The following UNC5B variants were observed in gnomAD, a reference collection of about 807,000 sequenced individuals.
UNC5B encodes the protein unc-5 netrin receptor B, also known as netrin receptor UNC5B.
UNC5B carries 56 observed loss-of-function variants against 103.7 expected under a neutral mutation model. The observed-to-expected ratio is 0.54, with a 90% CI of 0.44 to 0.67. The LOEUF is 0.67. Ranked by LOEUF, UNC5B falls within the 30% of genes least tolerant of loss-of-function variation. The pLI, the probability that UNC5B is intolerant of heterozygous loss-of-function variation, is 0.00. For missense variants in UNC5B, 1,194 were observed against 1,284.5 expected, an observed-to-expected ratio of 0.93 and a Z score of 1.08; for synonymous variants, 577 against 542.0, an observed-to-expected ratio of 1.06 and a Z score of -0.90.
rs753833949 is a variant in UNC5B, at chr10:71,299,305, A to G, written c.*28A>G. On this transcript the variant is annotated 3_prime_UTR_variant, in exon 17 of 17. Coordinates refer to ENST00000335350, the MANE Select transcript of UNC5B (RefSeq NM_170744.5). Reference sequence around the variant, plus strand: ...CTCCTGGGACAGCGGGCTGGCAGGGACTGGCAGGAGGCAGGTGCAGGGAGG... The same window carrying G: ...CTCCTGGGACAGCGGGCTGGCAGGGGCTGGCAGGAGGCAGGTGCAGGGAGG... 6.2e-7 allele frequency: 1 copy of G among 1,611,762 alleles called. No individual in the cohort carries two copies. The highest frequency in any genetic ancestry group is 1.7e-5 in the Admixed American group (1 of 59,976).
intron 6 of UNC5B, among the ~76,000 whole-genome samples, chr10:71,288,022 G>T (rs910581804): frequency 6.6e-6 from 1 of 152,208 alleles, no homozygotes; most frequent in Non-Finnish European, 1.5e-5. Context: ...GGGCTCTTCT[G>T]CCCTCCAAGC....
intron 1 of UNC5B, among the ~76,000 whole-genome samples, chr10:71,241,614 C>T (rs896673706): frequency 2.0e-5 from 3 of 152,050 alleles, no homozygotes; most frequent in Admixed American, 2.0e-4. Flanking sequence ...CTGAGCTGTA[C>T]TTGAACAATA....
chr10:71,279,730 C>A (rs1564728627), intron 1 of UNC5B, 91 bp from the exon 2 acceptor site: 1 of 1,406,208 alleles, frequency 7.1e-7, no homozygotes, highest in East Asian at 2.5e-5. Flanking sequence ...CCCCTGTCCT[C>A]TTCGTCTGCG....
chr10:71,284,702 T>G lies in UNC5B; in HGVS notation c.305-18T>G. On this transcript the variant is annotated intron_variant, in intron 2 of 16. Coordinates refer to ENST00000335350, the MANE Select transcript of UNC5B (RefSeq NM_170744.5). ...TGCTTTGCCCCTGCCCCCTGACGGC[T>G]CTCTCTTCTCCTCCCAGGCCTGCGG... 6.2e-7 allele frequency: 1 copy of G among 1,612,698 alleles called. No individual in the cohort carries two copies. The highest frequency in any genetic ancestry group is 1.7e-5 in the Admixed American group (1 of 60,006).
intron 5 of UNC5B, 117 bp downstream of exon 5, chr10:71,286,986 A>C: frequency 7.3e-7 from 1 of 1,372,966 alleles, no homozygotes; most frequent in Non-Finnish European, 9.8e-7. Flanking sequence ...GGGGAAGTGA[A>C]TTGACCAAGA....
Position 71,244,804 on chromosome 10 carries a change from C to T in UNC5B, c.79+31740C>T, listed in dbSNP as rs568693031. ...TGCATGCATGCATGCCTGTGTGCGC[C>T]GAACTGGTTGGCGGCGGGGGCGTGC... is the stretch of plus-strand genomic sequence containing the variant. On this transcript the variant is annotated intron_variant, in intron 1 of 16. Transcript: ENST00000335350. Among the ~76,000 whole-genome samples the T allele has an allele frequency of 3.3e-5, 5 of 152,324 alleles. No individual in the cohort carries two copies. The South Asian group carries it at 8.3e-4, about 25-fold the overall frequency.
intron 12 of UNC5B, 23 bp from the exon 13 acceptor site, chr10:71,293,677 C>G: frequency 6.3e-7 from 1 of 1,597,022 alleles, no homozygotes; most frequent in Middle Eastern, 1.7e-4. Flanking sequence ...TGACCACTAC[C>G]CCACCCTTGC....
chr10:71,248,729 C>T (rs1032798716), intron 1 of UNC5B, among the ~76,000 whole-genome samples: 3 of 152,040 alleles, frequency 2.0e-5, no homozygotes, highest in Admixed American at 1.3e-4. Context: ...TTTACACAGA[C>T]CTGTGTACAT....
intron 1 of UNC5B, among the ~76,000 whole-genome samples, chr10:71,229,888 G>A (rs1843648846): frequency 6.6e-6 from 1 of 152,158 alleles, no homozygotes; most frequent in South Asian, 2.1e-4. Context: ...ACCGTCGCTG[G>A]TCAGGGTGAT....
chr10:71,266,520 C>T (rs575463860), intron 1 of UNC5B, among the ~76,000 whole-genome samples: 3 of 152,288 alleles, frequency 2.0e-5, no homozygotes, highest in Admixed American at 6.5e-5. Flanking sequence ...GGAGCAGGGA[C>T]GGGCGTCCCT....
At chr10:71,275,470 T>C (rs1489773912) in intron 1 of UNC5B, among the ~76,000 whole-genome samples, 1 of 152,216 alleles carries the variant, frequency 6.6e-6, no homozygotes, top group Non-Finnish European at 1.5e-5. Flanking sequence ...TTCATGTCCC[T>C]TGTTGCCCCT....
intron 5 of UNC5B, 63 bp from the exon 6 acceptor site, chr10:71,287,535 G>A: frequency 6.6e-7 from 1 of 1,524,280 alleles, no homozygotes; most frequent in Admixed American, 2.1e-5. Context: ...GTGAGGGACG[G>A]GTTTGGGGGA....
intron 1 of UNC5B, among the ~76,000 whole-genome samples, chr10:71,259,926 G>T (rs116196875): frequency 6.6e-6 from 1 of 152,242 alleles, no homozygotes; most frequent in Non-Finnish European, 1.5e-5. Flanking sequence ...TCTGCCCATC[G>T]TGGCTGTGGG....
chr10:71,235,425 G>A (rs543073473), intron 1 of UNC5B, among the ~76,000 whole-genome samples: 10 of 152,358 alleles, frequency 6.6e-5, no homozygotes, highest in Non-Finnish European at 1.0e-4. Context: ...CCACTTCAGC[G>A]GGAAGAAGAG....
intron 1 of UNC5B, among the ~76,000 whole-genome samples, chr10:71,226,052 A>C (rs1266478866): frequency 1.3e-5 from 2 of 152,132 alleles, no homozygotes; most frequent in East Asian, 3.9e-4. Flanking sequence ...TCAGATCATA[A>C]GCGTTTTTAT....
At chr10:71,255,378 C>T (rs74145399) in intron 1 of UNC5B, among the ~76,000 whole-genome samples, 3,433 of 152,252 alleles carry the variant, frequency 0.023, 127 homozygotes, top group African/African-American at 0.074. Flanking sequence ...TGTCATTCTC[C>T]GAAGTCCCAG....
chr10:71,225,034 TACACATTTGGGAGAGCCTGCCTTGTTAG>T (rs1564705719), intron 1 of UNC5B, among the ~76,000 whole-genome samples: 1 of 152,144 alleles, frequency 6.6e-6, no homozygotes, highest in Non-Finnish European at 1.5e-5. Context: ...TGCCTTGTTA[TACACATTTGGGAGAGCCTGCCTTGTTAG>T]ACACATTTGG....
At chr10:71,273,755 T>C (rs1179053176) in intron 1 of UNC5B, among the ~76,000 whole-genome samples, 1 of 152,124 alleles carries the variant, frequency 6.6e-6, no homozygotes, top group Non-Finnish European at 1.5e-5. Context: ...AGGAAGAACA[T>C]AGTGTGTTCC....
rs1156766825 is a variant in UNC5B, at chr10:71,298,795, GATA to G, written c.2673-311_2673-309del. Among the ~76,000 whole-genome samples the G allele has an allele frequency of 1.1e-4, 16 of 152,224 alleles. 1 individual carries two copies. Among genetic ancestry groups the G allele is most frequent in the African/African-American group, 3.4e-4 (14 of 41,528 alleles). On this transcript the variant is annotated intron_variant, in intron 16 of 16. Transcript: ENST00000335350. ...TCTCTTGGGGCCAGTGTCTTTCAAT[GATA>G]ATAATGATGATGATGAACAAGATGG...
Sources: gnomAD v4.1 joint callset for allele counts (sites outside exome capture counted in the v4.1 genomes callset) on GRCh38, gnomAD v4.1.1 for gene constraint, MANE v1.5 for transcripts, NCBI Gene and HGNC (gene_info 2026-07-23, HGNC 2026-07-21) for gene names.